Variants in DLG5 observed in about 807,000 individuals in gnomAD.
DLG5 encodes disks large homolog 5.
In DLG5, 48 loss-of-function variants were observed where a neutral mutation model predicts 189.8. That is an observed-to-expected ratio of 0.25 (90% CI 0.20 to 0.32). The LOEUF is 0.32. DLG5 is among the 10% of genes least tolerant of loss of function. The pLI, the probability that DLG5 is intolerant of heterozygous loss-of-function variation, is 1.00. For synonymous variants in DLG5, 1,016 were observed against 1,054.1 expected, an observed-to-expected ratio of 0.96 and a Z score of 0.70; for missense variants, 2,160 against 2,544.7, an observed-to-expected ratio of 0.85 and a Z score of 3.25.
At chr10:77,828,780 A>G in intron 13 of DLG5, 102 bp downstream of exon 13, 1 of 1,118,712 alleles carries the variant, frequency 8.9e-7, no homozygotes, top group Non-Finnish European at 1.3e-6. Context: ...TGCCCACAAC[A>G]AGGAAAATAT....
At chr10:77,806,385 GGTTT>G (rs921621380) in intron 26 of DLG5, among the ~76,000 whole-genome samples, 2 of 152,288 alleles carry the variant, frequency 1.3e-5, no homozygotes, top group Non-Finnish European at 2.9e-5. Context: ...ATGGGTCTGG[GGTTT>G]GTTTGAGGTG....
intron 27 of DLG5, among the ~76,000 whole-genome samples, chr10:77,802,929 C>T (rs1157743620): frequency 1.3e-5 from 2 of 151,936 alleles, no homozygotes; most frequent in African/African-American, 4.8e-5. Flanking sequence ...AAATAAAATG[C>T]GAATAGTATC....
chr10:77,830,069 A>T, intron 11 of DLG5, 148 bp downstream of exon 11: 1 of 922,314 alleles, frequency 1.1e-6, no homozygotes, highest in Non-Finnish European at 1.6e-6. Flanking sequence ...GAGCATTATT[A>T]GCTGCTGAGA....
At chr10:77,868,473 C>A in intron 2 of DLG5, 1 of 295,764 alleles carries the variant, frequency 3.4e-6, no homozygotes, top group South Asian at 3.2e-5. Context: ...ATTTCCCCAT[C>A]TCTCTGCAGA....
In DLG5 at chr10:77,824,413, G is replaced by C; in HGVS notation, c.2353C>G (p.Gln785Glu). 1 of 1,613,958 alleles carries C rather than the reference G, an allele frequency of 6.2e-7. No homozygotes were observed. Among genetic ancestry groups the C allele is most frequent in the Non-Finnish European group, 8.5e-7 (1 of 1,179,856 alleles). ...AGGAGGGACAGGGTCAGGGAGTCCT[G>C]GCAGCTGCGCAGCAGAGATTCACAT... ...NECESLLRSCQDSLTLSLLKV... is the reference protein window; with the variant it reads ...NECESLLRSCEDSLTLSLLKV... Residue 785 changes from glutamine (Q) to glutamate (E), a missense_variant, in exon 14 of 32, where the codon CAG becomes GAG. By Grantham distance (29) the Gln-to-Glu change is conservative (BLOSUM62 2). Coordinates refer to ENST00000372391, the MANE Select transcript of DLG5 (RefSeq NM_004747.4).
chr10:77,833,871 C>T, intron 9 of DLG5, 43 bp downstream of exon 9: 2 of 1,597,722 alleles, frequency 1.3e-6, no homozygotes, highest in South Asian at 2.2e-5. Context: ...GCCCCAGGCT[C>T]CCAGATGCAT....
chr10:77,826,316 G>A (rs544836376), intron 13 of DLG5, among the ~76,000 whole-genome samples: 4 of 152,316 alleles, frequency 2.6e-5, no homozygotes, highest in African/African-American at 9.6e-5. Flanking sequence ...GCAGTTATAT[G>A]CCTTGGGGCA....
upstream of DLG5, among the ~76,000 whole-genome samples, chr10:77,930,945 T>A (rs1024401876): frequency 6.6e-6 from 1 of 150,662 alleles, no homozygotes; most frequent in Non-Finnish European, 1.5e-5. Context: ...TTCAGCCTCC[T>A]GAGTAGCTGG....
intron 1 of DLG5, among the ~76,000 whole-genome samples, chr10:77,889,245 C>G (rs1845536173): frequency 6.6e-6 from 1 of 151,908 alleles, no homozygotes; most frequent in South Asian, 2.1e-4. Context: ...CCTCCCAGGC[C>G]TCTGCCAAGC....
chr10:77,833,957 G>A lies in DLG5; in HGVS notation c.1705C>T (p.Arg569Cys), dbSNP rs201120991. 87 of 1,606,982 alleles carry A rather than the reference G, an allele frequency of 5.4e-5. No homozygotes were observed. Among genetic ancestry groups the A allele is most frequent in the African/African-American group, 3.2e-4 (24 of 74,992 alleles). ...CGGCTGACATCATTCTTCTGCTTGCGGGTGTCATCCAGGCTGCGCAGGGCC... is the reference window on the plus strand; with the variant it reads ...CGGCTGACATCATTCTTCTGCTTGCAGGTGTCATCCAGGCTGCGCAGGGCC... ...AEALRSLDDTRKQKNDVSREL... is the reference protein window; with the variant it reads ...AEALRSLDDTCKQKNDVSREL... Residue 569 changes from arginine (R) to cysteine (C), a missense_variant, in exon 9 of 32, where the codon CGC (arginine) becomes TGC (cysteine). This residue lies in a region of DLG5 where 664 missense variants were observed against 838.5 expected (regional missense o/e 0.79). Coordinates refer to ENST00000372391, the MANE Select transcript of DLG5 (RefSeq NM_004747.4).
In DLG5 at chr10:77,812,028, C is replaced by T; in HGVS notation, c.4218G>A (p.Thr1406=). 7 of 1,610,944 alleles carry T rather than the reference C, an allele frequency of 4.3e-6. No individual in the cohort carries two copies. Among genetic ancestry groups the T allele is most frequent in the Non-Finnish European group, 5.1e-6 (6 of 1,180,000 alleles). The part of the protein sequence containing the change: ...EFNGINLRSA[T]EQQARLIIGQ... ...CGATGATGAGCCGCGCCTGCTGCTC[C>T]GTGGCGCTCCGCAGGTTTATGCCGT... Residue 1406 remains threonine (T), a synonymous_variant, in exon 22 of 32, where the codon ACG becomes ACA. Coordinates refer to ENST00000372391, the MANE Select transcript of DLG5 (RefSeq NM_004747.4).
intron 8 of DLG5, 105 bp downstream of exon 8, chr10:77,835,633 T>G: frequency 8.0e-7 from 1 of 1,247,956 alleles, no homozygotes; most frequent in South Asian, 1.6e-5. Context: ...CCCTCCCACT[T>G]TACCTGGACA....
chr10:77,868,014 A>G, intron 2 of DLG5: 2 of 456,744 alleles, frequency 4.4e-6, no homozygotes, highest in Non-Finnish European at 8.8e-6. Flanking sequence ...AAGGAGCACC[A>G]AGGATTACCA....
intron 1 of DLG5, among the ~76,000 whole-genome samples, chr10:77,908,842 G>A (rs1846139402): frequency 6.6e-6 from 1 of 152,116 alleles, no homozygotes; most frequent in Non-Finnish European, 1.5e-5. Flanking sequence ...GAATCTGATG[G>A]ATTTTTAGAC....
chr10:77,832,554 T>C (rs1227539380), intron 9 of DLG5, among the ~76,000 whole-genome samples: 1 of 152,188 alleles, frequency 6.6e-6, no homozygotes, highest in Non-Finnish European at 1.5e-5. Flanking sequence ...GAGCTCAGCA[T>C]TCATTGCTCA....
rs1842256495 is a variant in DLG5, at chr10:77,819,979, C to T, written c.3442G>A (p.Glu1148Lys). Residue 1148 changes from glutamate to lysine, a missense_variant, in exon 16 of 32, where the codon GAG (glutamate) becomes AAG (lysine). Around this residue, in one of 5 missense-constraint regions of DLG5, gnomAD observed 754 missense variants for 746.5 expected, o/e 1.01. Transcript: ENST00000372391. ...CVPASGELSP[E>K]LQEWAPYSPG... ...GAGTAAGGTGCCCACTCCTGGAGCT[C>T]CGGGGAGAGTTCTCCACTGGCCGGG... 1.9e-6 allele frequency: 3 copies of T among 1,613,384 alleles called. No individual in the cohort carries two copies. The highest frequency in any genetic ancestry group is 1.7e-6 in the Non-Finnish European group (2 of 1,179,806).
In DLG5 at chr10:77,841,831, C is replaced by T. The variant is rs370728620; in HGVS notation, c.1437+50G>A. 8.1e-5 allele frequency: 126 copies of T among 1,565,100 alleles called. 1 individual carries two copies. In the African/African-American group the frequency reaches 1.5e-3, roughly 18 times the overall value. The stretch of plus-strand genomic sequence containing the variant: ...CCACGCACTCTGCAGCCCCTCTTCC[C>T]GGGATGCTGTAGGAGAGGCTGAAAG... On this transcript the variant is annotated intron_variant, in intron 7 of 31. Transcript: ENST00000372391.
At chr10:77,868,210 G>A (rs1844764919) in intron 2 of DLG5, 1 of 421,832 alleles carries the variant, frequency 2.4e-6, no homozygotes, top group South Asian at 1.7e-5. Context: ...AAACTAAGAT[G>A]GAACTCGCCG....
intron 29 of DLG5, among the ~76,000 whole-genome samples, chr10:77,795,830 G>A (rs914200674): frequency 6.6e-6 from 1 of 152,138 alleles, no homozygotes; most frequent in African/African-American, 2.4e-5. Flanking sequence ...AGGAAGATGG[G>A]GCGGCACATA....
Sources: allele counts gnomAD v4.1 joint callset (sites outside exome capture counted in the v4.1 genomes callset), GRCh38; gene constraint gnomAD v4.1.1; regional missense constraint gnomAD v4.1.1; transcripts MANE v1.5; gene names NCBI Gene and HGNC (gene_info 2026-07-23, HGNC 2026-07-21).